GATAD2B: variants seen among roughly 807,000 people sequenced by gnomAD.
GATAD2B encodes GATA zinc finger domain containing 2B.
GATAD2B carries 8 observed loss-of-function variants against 64.3 expected under a neutral mutation model. The ratio of observed to expected loss-of-function variants is 0.12; its 90% CI spans 0.07 to 0.22. The LOEUF is 0.22. GATAD2B is among the 10% of genes least tolerant of loss of function. The probability of loss-of-function intolerance (pLI) is 1.00; values close to 1 mark genes in which losing one functional copy is unlikely to be tolerated. For missense variants in GATAD2B, 453 were observed against 752.0 expected (o/e 0.60, Z 4.65); for synonymous variants, 281 against 271.3 (o/e 1.04, Z -0.35).
At chr1:153,842,828 T>C (rs1469879196) in intron 1 of GATAD2B, among the ~76,000 whole-genome samples, 1 of 152,056 alleles carries the variant, frequency 6.6e-6, no homozygotes, top group Non-Finnish European at 1.5e-5. Flanking sequence ...AATTTTTTTG[T>C]ATTTTTAGTA....
chr1:153,898,543 C>T (rs1475773680), intron 1 of GATAD2B, among the ~76,000 whole-genome samples: 1 of 151,344 alleles, frequency 6.6e-6, no homozygotes, highest in Non-Finnish European at 1.5e-5. Context: ...CTGGCCAATA[C>T]AGTGAAACCC....
At chr1:153,862,725 CTTTTTTT>C (rs747632481) in intron 1 of GATAD2B, among the ~76,000 whole-genome samples, 4 of 127,178 alleles carry the variant, frequency 3.1e-5, no homozygotes, top group South Asian at 2.6e-4. Flanking sequence ...TACTTTATTT[CTTTTTTT>C]TTTTTTTTTG....
intron 1 of GATAD2B, among the ~76,000 whole-genome samples, chr1:153,918,288 T>C (rs1678333012): frequency 6.6e-6 from 1 of 152,190 alleles, no homozygotes; most frequent in Non-Finnish European, 1.5e-5. Flanking sequence ...ATCACAAAGC[T>C]AGAATTCAAC....
At chr1:153,849,369 C>A (rs1394036202) in intron 1 of GATAD2B, among the ~76,000 whole-genome samples, 1 of 152,204 alleles carries the variant, frequency 6.6e-6, no homozygotes, top group East Asian at 1.9e-4. Flanking sequence ...AAAGGTCCCA[C>A]TTCTTAATAT....
chr1:153,868,061 C>T (rs934442639), intron 1 of GATAD2B, among the ~76,000 whole-genome samples: 6 of 151,864 alleles, frequency 4.0e-5, no homozygotes, highest in East Asian at 1.9e-4. Context: ...ATTAGCCAGG[C>T]GTGGTGGTGC....
intron 10 of GATAD2B, among the ~76,000 whole-genome samples, chr1:153,811,297 T>C (rs906837465): frequency 2.6e-5 from 4 of 152,338 alleles, no homozygotes; most frequent in African/African-American, 9.6e-5. Context: ...AACATGCTTC[T>C]GATGGTATGG....
At chr1:153,914,227 CAAAAAAAAAAAA>C (rs759245034) in intron 1 of GATAD2B, among the ~76,000 whole-genome samples, 6 of 65,966 alleles carry the variant, frequency 9.1e-5, no homozygotes, top group African/African-American at 3.0e-4. Context: ...CCCAGACTCT[CAAAAAAAAAAAA>C]AAAAAAAAAA....
At chr1:153,853,514 T>A (rs959888912) in intron 1 of GATAD2B, 1 of 324,762 alleles carries the variant, frequency 3.1e-6, no homozygotes, top group Middle Eastern at 9.2e-4. Context: ...CTTACATATG[T>A]TGGAGATTAA....
chr1:153,911,276 A>C (rs558504210), intron 1 of GATAD2B, among the ~76,000 whole-genome samples: 8 of 148,750 alleles, frequency 5.4e-5, no homozygotes, highest in Non-Finnish European at 1.1e-4. Flanking sequence ...TTTTTAAAGA[A>C]AGACAGAGAG....
chr1:153,882,717 TA>T (rs1557820694), intron 1 of GATAD2B, among the ~76,000 whole-genome samples: 2 of 152,160 alleles, frequency 1.3e-5, no homozygotes. Flanking sequence ...CCTCCTCACC[TA>T]CCACATCCCA....
intron 1 of GATAD2B, among the ~76,000 whole-genome samples, chr1:153,893,616 AAAAAT>A (rs539457728): frequency 9.9e-5 from 15 of 151,804 alleles, no homozygotes; most frequent in South Asian, 6.2e-4. Flanking sequence ...TCTCAAAAAA[AAAAAT>A]AAAATAAGTT....
At chr1:153,814,242 C>A (rs1037371799) in intron 7 of GATAD2B, among the ~76,000 whole-genome samples, 1 of 152,204 alleles carries the variant, frequency 6.6e-6, no homozygotes, top group African/African-American at 2.4e-5. Flanking sequence ...CTCCTCTGGG[C>A]ACTTTACTGG....
Position 153,905,719 on chromosome 1 carries a change from C to T in GATAD2B, c.-2+17014G>A, listed in dbSNP as rs183663695. The stretch of plus-strand genomic sequence containing the variant: ...GGCTGAAGCAGGAAAACTGCTTGAG[C>T]CCAGGAGTTTGAAACCATGCCTGGG... On this transcript the variant is annotated intron_variant, in intron 1 of 10. Coordinates refer to ENST00000368655, the MANE Select transcript of GATAD2B (RefSeq NM_020699.4). 6.0e-5 allele frequency among the ~76,000 whole-genome samples: 9 copies of T among 150,406 alleles called. No homozygotes were observed. The East Asian group carries it at 1.6e-3, about 26-fold the overall frequency.
intron 2 of GATAD2B, among the ~76,000 whole-genome samples, chr1:153,824,434 C>G (rs71626787): frequency 2.0e-5 from 3 of 151,994 alleles, no homozygotes; most frequent in Non-Finnish European, 4.4e-5. Flanking sequence ...TCGAGACCAT[C>G]TGGCCAACAT....
rs920252148 is a variant in GATAD2B at position 153,911,036 on chromosome 1, G to A, written c.-2+11697C>T. On this transcript the variant is annotated intron_variant, in intron 1 of 10. Transcript: ENST00000368655. ...AGAAATATATCTCTAAAATATTTCGGTTCACAGAAGCTTTAAGAGTATCAG... is the reference window on the plus strand; with the variant it reads ...AGAAATATATCTCTAAAATATTTCGATTCACAGAAGCTTTAAGAGTATCAG... Among the ~76,000 whole-genome samples the A allele has an allele frequency of 3.9e-5, 6 of 152,134 alleles. No homozygotes were observed. The East Asian group carries it at 9.6e-4, about 24-fold the overall frequency.
intron 1 of GATAD2B, among the ~76,000 whole-genome samples, chr1:153,898,302 G>A (rs1296907704): frequency 1.1e-5 from 1 of 90,384 alleles, no homozygotes; most frequent in African/African-American, 4.2e-5. Context: ...GTAACAGCCT[G>A]TCTCAAAAAA....
intron 1 of GATAD2B, among the ~76,000 whole-genome samples, chr1:153,836,748 T>C (rs1027304054): frequency 6.6e-6 from 1 of 152,160 alleles, no homozygotes; most frequent in African/African-American, 2.4e-5. Context: ...TTTTGAGATA[T>C]ATTCACGTGC....
chr1:153,879,092 AC>A (rs1465798207), intron 1 of GATAD2B, among the ~76,000 whole-genome samples: 1 of 152,116 alleles, frequency 6.6e-6, no homozygotes, highest in African/African-American at 2.4e-5. Context: ...GGCGCAAGCC[AC>A]CACGCCCGGC....
intron 1 of GATAD2B, among the ~76,000 whole-genome samples, chr1:153,867,480 G>A (rs548471412): frequency 1.3e-5 from 2 of 151,912 alleles, no homozygotes; most frequent in East Asian, 3.9e-4. Flanking sequence ...TTGTACTCCA[G>A]CTTGGGTGAC....
Sources: gnomAD v4.1 joint callset for allele counts (sites outside exome capture counted in the v4.1 genomes callset) on GRCh38, gnomAD v4.1.1 for gene constraint, MANE v1.5 for transcripts, NCBI Gene and HGNC (gene_info 2026-07-23, HGNC 2026-07-21) for gene names.